Variants in FMN2 observed in about 807,000 individuals in gnomAD.
FMN2 encodes the protein formin-2.
A neutral mutation model predicts 142.3 loss-of-function variants in FMN2; 51 were observed. The observed-to-expected ratio is 0.36, with a 90% confidence interval of 0.29 to 0.45. FMN2 has a LOEUF of 0.45. Ranked by LOEUF, FMN2 falls within the 20% of genes least tolerant of loss-of-function variation. FMN2 has a pLI of 1.00. For synonymous variants in FMN2, 882 were observed against 869.8 expected (o/e 1.01, Z -0.25); for missense variants, 1,936 against 2,122.8 (o/e 0.91, Z 1.73).
Position 240,092,658 on chromosome 1 carries a change from C to T in FMN2, c.549C>T (p.Ile183=), listed in dbSNP as rs1197654361. Reference sequence around the variant, plus strand: ...CCAGCTCGGGCTCGGACACGGACATCTATAGCTTCCATTCGGCTACGGAGC... The same window carrying T: ...CCAGCTCGGGCTCGGACACGGACATTTATAGCTTCCATTCGGCTACGGAGC... ...QRTSSGSDTD[I]YSFHSATEQE... The change falls in exon 1 of 18, where the codon ATC becomes ATT. Residue 183 remains isoleucine, a synonymous_variant. Transcript: ENST00000319653. 3.1e-6 allele frequency: 5 copies of T among 1,613,994 alleles called. No individual in the cohort carries two copies. Among genetic ancestry groups the T allele is most frequent in the Non-Finnish European group, 4.2e-6 (5 of 1,180,022 alleles).
At chr1:240,123,742 T>C (rs1662389398) in intron 2 of FMN2, among the ~76,000 whole-genome samples, 2 of 152,330 alleles carry the variant, frequency 1.3e-5, no homozygotes, top group East Asian at 1.9e-4. Flanking sequence ...GACGTGGTTG[T>C]GCATCCACCA....
intron 6 of FMN2, among the ~76,000 whole-genome samples, chr1:240,212,151 T>C (rs947986514): frequency 2.0e-5 from 3 of 152,164 alleles, no homozygotes; most frequent in Non-Finnish European, 4.4e-5. Context: ...TTCCAGCTAA[T>C]GGGGTGATTC....
chr1:240,434,341 G>A (rs1321110426), intron 15 of FMN2, among the ~76,000 whole-genome samples: 1 of 152,004 alleles, frequency 6.6e-6, no homozygotes. Context: ...TTAAAAGAAG[G>A]AAATAATTCA....
chr1:240,169,882 G>C (rs1192752676), intron 2 of FMN2, among the ~76,000 whole-genome samples: 1 of 152,150 alleles, frequency 6.6e-6, no homozygotes, highest in Non-Finnish European at 1.5e-5. Context: ...GTGGCATCAG[G>C]TGGGAGATAG....
intron 7 of FMN2, among the ~76,000 whole-genome samples, chr1:240,278,378 G>A (rs1265726434): frequency 6.6e-6 from 1 of 152,184 alleles, no homozygotes; most frequent in East Asian, 1.9e-4. Flanking sequence ...AATACTTAGT[G>A]AAAGGCTCGA....
rs76087049 is a variant in FMN2, at chr1:240,125,866, A to G, written c.1782+2521A>G. On this transcript the variant is annotated intron_variant, in intron 2 of 17. Coordinates refer to ENST00000319653, the MANE Select transcript of FMN2 (RefSeq NM_020066.5). The stretch of plus-strand genomic sequence containing the variant: ...CATCGAGCGTGAAAAACAAACAACA[A>G]AGGTATAAAATCCCTTAATGTTGTG... Among the ~76,000 whole-genome samples the G allele has an allele frequency of 2.7e-3, 406 of 152,308 alleles. 7 individuals carry two copies. In the East Asian group the frequency reaches 0.041, roughly 15 times the overall value.
In FMN2 at chr1:240,091,902, C is replaced by T. The variant is rs562371964; in HGVS notation, c.-208C>T. ...CTAGCCGCAGCCGCAGCCGCAGCGA[C>T]GGCAGCCACGGGAGCCGCCGCGCAT... On this transcript the variant is annotated 5_prime_UTR_variant, in exon 1 of 18. It adds an upstream start codon to the 5' untranslated region. Transcript: ENST00000319653. 5 of 815,230 alleles carry T rather than the reference C, an allele frequency of 6.1e-6. No individual in the cohort carries two copies. The highest frequency in any genetic ancestry group is 2.9e-5 in the South Asian group (1 of 34,542). The allele number at this position is 815,230 out of a possible 1,614,324, so 50.5% of individuals were successfully genotyped here.
chr1:240,365,057 G>T (rs1218650338), intron 14 of FMN2, among the ~76,000 whole-genome samples: 1 of 152,094 alleles, frequency 6.6e-6, no homozygotes, highest in African/African-American at 2.4e-5. Flanking sequence ...CACTATTACT[G>T]TTCTCTACTT....
chr1:240,294,807 C>CT lies in FMN2; in HGVS notation c.4154-7dup, dbSNP rs538612909. 8.3e-4 allele frequency: 1,345 copies of CT among 1,612,100 alleles called. 4 individuals carry two copies. Among genetic ancestry groups the CT allele is most frequent in the Middle Eastern group, 1.2e-3 (7 of 6,038 alleles). On this transcript the variant is annotated splice_polypyrimidine_tract_variant and intron_variant, in intron 7 of 17. Transcript: ENST00000319653. ...GTGGCTTATGGCAATTTATATTCTTCTTTTTTTTCCACAGCTGTTGTGAAC... is the reference window on the plus strand; with the variant it reads ...GTGGCTTATGGCAATTTATATTCTTCTTTTTTTTTCCACAGCTGTTGTGAAC...
chr1:240,275,640 G>C (rs12565539), intron 7 of FMN2, among the ~76,000 whole-genome samples: 34,059 of 151,958 alleles, frequency 0.22, 4,499 homozygotes, highest in East Asian at 0.49. Flanking sequence ...TGGTATTTCT[G>C]GTTCTGGGTC....
chr1:240,435,993 A>G (rs976580298), intron 15 of FMN2, among the ~76,000 whole-genome samples: 1 of 152,236 alleles, frequency 6.6e-6, no homozygotes, highest in African/African-American at 2.4e-5. Flanking sequence ...TTTTAGGTAT[A>G]TAAGGAAAAT....
rs1347293061 is a variant in FMN2 at position 240,272,201 on chromosome 1, G to A, written c.4153+14169G>A. ...TCAAGGCCTTCCTCCCCATAATGTT[G>A]CATCTGTTCTTTAAGATCAGTGGGT... On this transcript the variant is annotated intron_variant, in intron 7 of 17. Transcript: ENST00000319653. Among the ~76,000 whole-genome samples the A allele has an allele frequency of 2.0e-5, 3 of 152,092 alleles. No individual in the cohort carries two copies. In the South Asian group the frequency reaches 6.2e-4, roughly 32 times the overall value.
chr1:240,323,351 C>A (rs553380613), intron 8 of FMN2, among the ~76,000 whole-genome samples: 1 of 151,936 alleles, frequency 6.6e-6, no homozygotes, highest in Non-Finnish European at 1.5e-5. Flanking sequence ...TCTGCCACCA[C>A]GCCCGGCTAA....
intron 14 of FMN2, among the ~76,000 whole-genome samples, chr1:240,377,872 TTATTA>T (rs1359477170): frequency 1.3e-5 from 2 of 152,086 alleles, no homozygotes; most frequent in African/African-American, 2.4e-5. Context: ...CCCCCATAAT[TTATTA>T]TATTATATTC....
At chr1:240,310,720 T>C (rs1357005119) in intron 8 of FMN2, among the ~76,000 whole-genome samples, 3 of 152,188 alleles carry the variant, frequency 2.0e-5, no homozygotes, top group East Asian at 1.9e-4. Flanking sequence ...ACTCCTTATA[T>C]GGCAAAGTGA....
intron 15 of FMN2, among the ~76,000 whole-genome samples, chr1:240,421,016 C>A (rs1674743517): frequency 6.6e-6 from 1 of 152,180 alleles, no homozygotes; most frequent in Non-Finnish European, 1.5e-5. Flanking sequence ...TCTTGGACTG[C>A]AGTGCAATTA....
At chr1:240,392,412 A>G in intron 14 of FMN2, 99 bp from the exon 15 acceptor site, 1 of 862,300 alleles carries the variant, frequency 1.2e-6, no homozygotes, top group Non-Finnish European at 1.9e-6. Flanking sequence ...AATAGAATTA[A>G]TAATTAAAAT....
intron 16 of FMN2, among the ~76,000 whole-genome samples, chr1:240,438,878 G>C (rs1675500212): frequency 6.6e-6 from 1 of 152,156 alleles, no homozygotes; most frequent in Admixed American, 6.5e-5. Context: ...GGAAACTAAA[G>C]GGAAACGTAA....
Position 240,118,113 on chromosome 1 carries a change from C to T in FMN2, c.1616-5066C>T, listed in dbSNP as rs943442258. ...CTCAGTGTGTTTGAGGAGGAGAAGG[C>T]CAGTAGGCAAGAGTGGTGAGAGGTG... On this transcript the variant is annotated intron_variant, in intron 1 of 17. Transcript: ENST00000319653. 2.0e-5 allele frequency among the ~76,000 whole-genome samples: 3 copies of T among 151,952 alleles called. No homozygotes were observed. In the East Asian group the frequency reaches 5.8e-4, roughly 30 times the overall value.
Sources: gnomAD v4.1 joint callset for allele counts (sites outside exome capture counted in the v4.1 genomes callset) on GRCh38, gnomAD v4.1.1 for gene constraint, MANE v1.5 for transcripts, NCBI Gene and HGNC (gene_info 2026-07-23, HGNC 2026-07-21) for gene names.